SLC25A17: variants seen among roughly 807,000 people sequenced by gnomAD.
SLC25A17 encodes the protein solute carrier family 25 member 17, also known as peroxisomal membrane protein PMP34.
SLC25A17 carries 26 observed loss-of-function variants against 38.5 expected under a neutral mutation model. That is an observed-to-expected ratio of 0.68 (90% CI 0.50 to 0.94). The LOEUF is 0.94. Ranked by LOEUF, SLC25A17 falls within the 40% of genes least tolerant of loss-of-function variation. The pLI, the probability that SLC25A17 is intolerant of heterozygous loss-of-function variation, is 0.00. For missense variants in SLC25A17, 333 were observed against 372.7 expected (o/e 0.89, Z 0.88); for synonymous variants, 139 against 136.2 (o/e 1.02, Z -0.14).
intron 4 of SLC25A17, among the ~76,000 whole-genome samples, chr22:40,787,195 A>T (rs1159065750): frequency 6.6e-6 from 1 of 150,536 alleles, no homozygotes; most frequent in African/African-American, 2.4e-5. Flanking sequence ...GATGAATGGG[A>T]GTTAATAAGA....
chr22:40,813,044 C>A (rs2057598654), intron 1 of SLC25A17, among the ~76,000 whole-genome samples: 1 of 152,150 alleles, frequency 6.6e-6, no homozygotes. Context: ...CAAGCTAACT[C>A]ATACATACAC....
rs375343274 is a variant in SLC25A17 at position 40,770,102 on chromosome 22, T to C, written c.*732A>G. 9.2e-5 allele frequency: 14 copies of C among 152,316 alleles called. No individual in the cohort carries two copies. The highest frequency in any genetic ancestry group is 3.4e-4 in the African/African-American group (14 of 41,582). The allele number at this position is 152,316 out of a possible 1,614,324, so 9.4% of individuals were successfully genotyped here. A position where few individuals can be genotyped will look rare whatever the true frequency, so the allele number is the denominator to read the frequency against. On this transcript the variant is annotated 3_prime_UTR_variant, in exon 9 of 9. Coordinates refer to ENST00000435456, the MANE Select transcript of SLC25A17 (RefSeq NM_006358.4). ...ATATCTTTTTTGTGCTGACCATTTA[T>C]TGGGACTTGACTGACCAGGGCTTGT...
In SLC25A17 at chr22:40,819,239, C is replaced by T. The variant is rs1340570113; in HGVS notation, c.10G>A (p.Val4Met). 2 of 1,613,758 alleles carry T rather than the reference C, an allele frequency of 1.2e-6. No individual in the cohort carries two copies. Among genetic ancestry groups the T allele is most frequent in the Non-Finnish European group, 8.5e-7 (1 of 1,180,000 alleles). Residue 4 changes from valine (V) to methionine (M), a missense_variant, in exon 1 of 9, where the codon GTG (valine) becomes ATG (methionine). Physicochemically the swap from Val to Met is conservative, Grantham distance 21. Transcript: ENST00000435456. The stretch of plus-strand genomic sequence containing the variant: ...TGGACCAGGCTTTCGTAGGACAGCA[C>T]GGAAGCCATTGGTGCGGCTCCTCGA... MAS[V>M]LSYESLVHAV...
chr22:40,771,849 A>C (rs1324147913), intron 8 of SLC25A17, among the ~76,000 whole-genome samples: 1 of 152,158 alleles, frequency 6.6e-6, no homozygotes, highest in African/African-American at 2.4e-5. Flanking sequence ...AAATAACTAA[A>C]AGAGTATAAT....
At chr22:40,794,324 A>G (rs1245814882) in intron 3 of SLC25A17, among the ~76,000 whole-genome samples, 190 bp downstream of exon 3, 2 of 152,218 alleles carry the variant, frequency 1.3e-5, no homozygotes, top group Non-Finnish European at 2.9e-5. Flanking sequence ...AAAAATAAAT[A>G]AAAAGAATCA....
chr22:40,782,292 A>C (rs528307242), intron 4 of SLC25A17, among the ~76,000 whole-genome samples: 4 of 152,352 alleles, frequency 2.6e-5, no homozygotes, highest in African/African-American at 9.6e-5. Flanking sequence ...CTTCCGCTCT[A>C]AAGTAGAAAT....
chr22:40,773,914 T>C (rs764990976), intron 8 of SLC25A17, 23 bp downstream of exon 8: 4 of 1,491,060 alleles, frequency 2.7e-6, no homozygotes, highest in South Asian at 2.3e-5. Context: ...GAGCACGGAA[T>C]GTGAGGCATC....
At chr22:40,804,936 C>T (rs2057516487) in intron 1 of SLC25A17, among the ~76,000 whole-genome samples, 1 of 151,266 alleles carries the variant, frequency 6.6e-6, no homozygotes, top group African/African-American at 2.4e-5. Context: ...TAGCAAGACA[C>T]TGTCTCTATA....
Position 40,794,595 on chromosome 22 carries a change from A to T in SLC25A17, c.116-15T>A. On this transcript the variant is annotated splice_polypyrimidine_tract_variant and intron_variant, in intron 2 of 8. Coordinates refer to ENST00000435456, the MANE Select transcript of SLC25A17 (RefSeq NM_006358.4). ...TTTCTCATCAACTACAAGACCAAAC[A>T]GTGCATGTTTATTTTATTAATTAAA... The T allele has an allele frequency of 6.4e-7, 1 of 1,560,964 alleles. No homozygotes were observed. The highest frequency in any genetic ancestry group is 8.7e-7 in the Non-Finnish European group (1 of 1,143,048).
intron 4 of SLC25A17, among the ~76,000 whole-genome samples, chr22:40,788,110 T>C (rs780989164): frequency 4.6e-5 from 7 of 152,166 alleles, no homozygotes; most frequent in Admixed American, 1.3e-4. Context: ...ACTACACAAG[T>C]ACATACATTC....
intron 1 of SLC25A17, among the ~76,000 whole-genome samples, chr22:40,809,066 T>C (rs996721089): frequency 6.6e-6 from 1 of 152,102 alleles, no homozygotes; most frequent in Non-Finnish European, 1.5e-5. Context: ...GTTTAAAAAA[T>C]ATAGCTTATG....
At chr22:40,816,092 G>C (rs2057636341) in intron 1 of SLC25A17, among the ~76,000 whole-genome samples, 1 of 152,062 alleles carries the variant, frequency 6.6e-6, no homozygotes, top group Non-Finnish European at 1.5e-5. Context: ...GAGAGGCTGA[G>C]GCAGGAGAAT....
At chr22:40,790,335 A>T (rs1399703113) in intron 4 of SLC25A17, among the ~76,000 whole-genome samples, 2 of 109,346 alleles carry the variant, frequency 1.8e-5, no homozygotes, top group Non-Finnish European at 3.8e-5. Flanking sequence ...AGTGAGACAC[A>T]ATCTCAAAAA....
At position 40,799,017 on chromosome 22, in the gene SLC25A17, A is replaced by G. The variant is rs561236406; in HGVS notation, c.115+6T>C. The G allele has an allele frequency of 3.8e-6, 6 of 1,591,916 alleles. No homozygotes were observed. In the South Asian group the frequency reaches 6.6e-5, roughly 18 times the overall value. ...CCATACAAATAGGAGTATGATTTCT[A>G]CTTACCCTGAAGTCGAAGTCTAGCT... On this transcript the variant is annotated splice_donor_region_variant and intron_variant, in intron 2 of 8. Coordinates refer to ENST00000435456, the MANE Select transcript of SLC25A17 (RefSeq NM_006358.4).
At chr22:40,778,565 C>T (rs1321800926) in intron 5 of SLC25A17, among the ~76,000 whole-genome samples, 1 of 152,110 alleles carries the variant, frequency 6.6e-6, no homozygotes, top group Non-Finnish European at 1.5e-5. Context: ...TGTTATGCAG[C>T]TTTTATTTTT....
intron 4 of SLC25A17, among the ~76,000 whole-genome samples, chr22:40,791,887 T>C (rs1412358653): frequency 6.6e-6 from 1 of 152,162 alleles, no homozygotes. Flanking sequence ...CTTCTGGGTA[T>C]ATATCCAGAA....
intron 2 of SLC25A17, 59 bp downstream of exon 2, chr22:40,798,964 T>G: frequency 1.7e-6 from 2 of 1,162,514 alleles, no homozygotes; most frequent in African/African-American, 1.6e-5. Flanking sequence ...AAAAAGAAAT[T>G]ACTAGCGAAA....
At chr22:40,810,650 T>C (rs2057572109) in intron 1 of SLC25A17, among the ~76,000 whole-genome samples, 1 of 152,194 alleles carries the variant, frequency 6.6e-6, no homozygotes, top group Admixed American at 6.5e-5. Flanking sequence ...CATTAAATAT[T>C]CTAATAGTAA....
intron 4 of SLC25A17, among the ~76,000 whole-genome samples, chr22:40,784,806 G>GA (rs1418503593): frequency 4.4e-5 from 5 of 112,992 alleles, no homozygotes; most frequent in Admixed American, 8.7e-5. Context: ...AAAAAAAAAA[G>GA]AAAAGGAAAA....
Sources: allele counts gnomAD v4.1 joint callset (sites outside exome capture counted in the v4.1 genomes callset), GRCh38; gene constraint gnomAD v4.1.1; transcripts MANE v1.5; gene names NCBI Gene and HGNC (gene_info 2026-07-23, HGNC 2026-07-21).